SP110: variants seen among roughly 807,000 people sequenced by gnomAD.
SP110 encodes interferon-induced protein 41, 30kD.
Under a neutral mutation model 92.7 loss-of-function variants are expected in SP110, and 62 were observed. That is an observed-to-expected ratio of 0.67 (90% confidence interval 0.55 to 0.83). SP110 has a LOEUF of 0.83. SP110 is among the 40% of genes least tolerant of loss of function. The probability of loss-of-function intolerance (pLI) is 0.00; values close to 1 mark genes in which losing one functional copy is unlikely to be tolerated. For synonymous variants in SP110, 273 were observed against 305.3 expected (o/e 0.89, Z 1.10); for missense variants, 793 against 863.9 (o/e 0.92, Z 1.03).
At position 230,168,108 on chromosome 2, in the gene SP110, C is replaced by CAAAAAAAAAAAAAAA. The variant is rs57421361; in HGVS notation, c.*1001_*1015dup. On this transcript the variant is annotated 3_prime_UTR_variant, in exon 19 of 19. Coordinates refer to ENST00000258381, the MANE Select transcript of SP110 (RefSeq NM_080424.4). ...TGGGTGACAGAGTGAGACTCTGTCT[C>CAAAAAAAAAAAAAAA]AAAAAAAAAAAAAAAAAAAAAAAAA... 3 of 62,460 alleles carry CAAAAAAAAAAAAAAA rather than the reference C, an allele frequency of 4.8e-5. No individual in the cohort carries two copies. The highest frequency in any genetic ancestry group is 6.2e-5 in the African/African-American group (1 of 16,170). The allele number at this position is 62,460 out of a possible 1,614,324, so 3.9% of individuals were successfully genotyped here. A position where few individuals can be genotyped will look rare whatever the true frequency, so the allele number is the denominator to read the frequency against.
chr2:230,217,245 C>CAAAAAA (rs6147220), intron 1 of SP110, among the ~76,000 whole-genome samples: 58 of 79,624 alleles, frequency 7.3e-4, no homozygotes, highest in South Asian at 1.9e-3. Context: ...GACTCCATCT[C>CAAAAAA]AAAAAAAAAA....
At chr2:230,199,787 T>C (rs937481394) in intron 10 of SP110, among the ~76,000 whole-genome samples, 4 of 152,288 alleles carry the variant, frequency 2.6e-5, no homozygotes, top group Admixed American at 6.5e-5. Flanking sequence ...AATGAGAAAG[T>C]AATTTTTGAA....
At chr2:230,191,236 G>C (rs759861837) in intron 10 of SP110, among the ~76,000 whole-genome samples, 10 of 151,964 alleles carry the variant, frequency 6.6e-5, no homozygotes, top group South Asian at 2.1e-4. Context: ...AAGAGCTAGA[G>C]AGGCAAGAGC....
At chr2:230,198,757 G>T (rs926831691) in intron 10 of SP110, among the ~76,000 whole-genome samples, 3 of 152,004 alleles carry the variant, frequency 2.0e-5, no homozygotes, top group African/African-American at 7.2e-5. Flanking sequence ...ACCAGGCTCA[G>T]CTAATTTTTT....
chr2:230,179,203 G>A (rs922254955), intron 12 of SP110, among the ~76,000 whole-genome samples: 9 of 152,186 alleles, frequency 5.9e-5, no homozygotes, highest in Admixed American at 3.3e-4. Context: ...AAGACACAAG[G>A]CAGATAGAGT....
At position 230,206,595 on chromosome 2, in the gene SP110, T is replaced by TTATATATATATATATATATA. The variant is rs56817002; in HGVS notation, c.898+1376_898+1395dup. ...TATTATATATTATCTGGTCCAGATT[T>TTATATATATATATATATATA]TATATATATATATATATATATATAT... On this transcript the variant is annotated intron_variant, in intron 8 of 18. Transcript: ENST00000258381. Among the ~76,000 whole-genome samples, 70 of 70,468 alleles carry TTATATATATATATATATATA rather than the reference T, an allele frequency of 9.9e-4. 4 individuals are homozygous for TTATATATATATATATATATA. Among genetic ancestry groups the TTATATATATATATATATATA allele is most frequent in the Admixed American group, 2.3e-3 (13 of 5,678 alleles). The allele number at this position is 70,468 out of a possible 152,430, so 46.2% of individuals were successfully genotyped here. A position where few individuals can be genotyped will look rare whatever the true frequency, so the allele number is the denominator to read the frequency against.
chr2:230,207,047 A>G (rs1168212274), intron 8 of SP110, among the ~76,000 whole-genome samples: 3 of 152,144 alleles, frequency 2.0e-5, no homozygotes, highest in Non-Finnish European at 4.4e-5. Flanking sequence ...CAACACCTAG[A>G]GTTTCTCTGG....
At chr2:230,222,827 C>T (rs1256545579), upstream of SP110, among the ~76,000 whole-genome samples, 2 of 146,516 alleles carry the variant, frequency 1.4e-5, no homozygotes, top group Non-Finnish European at 3.0e-5. Flanking sequence ...AGATTAGTTT[C>T]GTGTGTATTA....
At chr2:230,183,716 A>G in intron 11 of SP110, 76 bp from the exon 12 acceptor site, 2 of 999,682 alleles carry the variant, frequency 2.0e-6, no homozygotes, top group Non-Finnish European at 1.6e-6. Flanking sequence ...ATCTTCAAGC[A>G]TTTTTTCCTG....
chr2:230,206,557 T>C (rs1211146726), intron 8 of SP110, among the ~76,000 whole-genome samples: 1 of 139,686 alleles, frequency 7.2e-6, no homozygotes, highest in Non-Finnish European at 1.5e-5. Context: ...TATATACATA[T>C]ATCTGGTCCA....
chr2:230,182,300 G>A (rs1048629862), intron 12 of SP110, among the ~76,000 whole-genome samples: 1 of 152,128 alleles, frequency 6.6e-6, no homozygotes, highest in Non-Finnish European at 1.5e-5. Flanking sequence ...ACACATTGGG[G>A]CCTATCAGGG....
chr2:230,219,745 T>C (rs1382108002), intron 1 of SP110, 129 bp downstream of exon 1: 1 of 176,632 alleles, frequency 5.7e-6, no homozygotes, highest in Non-Finnish European at 1.1e-5. Flanking sequence ...AAGTACCACA[T>C]GTCTGAGCTC....
chr2:230,195,410 C>T (rs1310823551), intron 10 of SP110, among the ~76,000 whole-genome samples: 1 of 152,144 alleles, frequency 6.6e-6, no homozygotes, highest in Admixed American at 6.5e-5. Flanking sequence ...TCTCAGCTCA[C>T]TGCAATCTCC....
At chr2:230,191,440 T>C (rs1477981786) in intron 10 of SP110, among the ~76,000 whole-genome samples, 1 of 152,048 alleles carries the variant, frequency 6.6e-6, no homozygotes, top group African/African-American at 2.4e-5. Flanking sequence ...ATAAAAATGA[T>C]AAGGGGGAAT....
upstream of SP110, among the ~76,000 whole-genome samples, chr2:230,224,158 C>T (rs558890352): frequency 6.6e-6 from 1 of 152,282 alleles, no homozygotes; most frequent in African/African-American, 2.4e-5. Flanking sequence ...GCAGCAGTAC[C>T]CCTGAAGTAC....
chr2:230,186,029 G>A lies in SP110; in HGVS notation c.1244C>T (p.Ala415Val), dbSNP rs199507070. ...NSEVMMRVQK[A>V]RTKCARKSRL... ...GGACTTTCGGGCACATTTAGTTCTT[G>A]CCTTTTGGACCCTCATCATGACCTC... is the stretch of plus-strand genomic sequence containing the variant. The change falls in exon 11 of 19, where the codon GCA (alanine) becomes GTA (valine). Residue 415 changes from alanine to valine, a missense_variant. Transcript: ENST00000258381. 6.2e-7 allele frequency: 1 copy of A among 1,614,066 alleles called. No homozygotes were observed. The highest frequency in any genetic ancestry group is 8.5e-7 in the Non-Finnish European group (1 of 1,179,950).
At chr2:230,185,257 C>T (rs1317147057) in intron 11 of SP110, among the ~76,000 whole-genome samples, 1 of 152,178 alleles carries the variant, frequency 6.6e-6, no homozygotes, top group Non-Finnish European at 1.5e-5. Context: ...TAACTTGGGT[C>T]CACATTTCTT....
chr2:230,181,373 TACTG>T (rs1171476847), intron 12 of SP110, among the ~76,000 whole-genome samples: 1 of 152,216 alleles, frequency 6.6e-6, no homozygotes, highest in Admixed American at 6.5e-5. Flanking sequence ...CCCATCCACT[TACTG>T]ACCTCACGTG....
rs2044951532 is a variant in SP110 at position 230,215,030 on chromosome 2, G to A, written c.236C>T (p.Ser79Phe). Residue 79 changes from serine to phenylalanine, a missense_variant, in exon 3 of 19, where the codon TCT (serine) becomes TTT (phenylalanine). Physicochemically the swap from Ser to Phe is radical, Grantham distance 155. Coordinates refer to ENST00000258381, the MANE Select transcript of SP110 (RefSeq NM_080424.4). ...TTGACTGAACAATGTCACCAGAAGAGACAGGTTAAAAGTCCTCTCCAGTTG... is the reference window on the plus strand; with the variant it reads ...TTGACTGAACAATGTCACCAGAAGAAACAGGTTAAAAGTCCTCTCCAGTTG... ...LTQLERTFNL[S>F]LLVTLFSQIN... 2.5e-6 allele frequency: 4 copies of A among 1,613,370 alleles called. No individual in the cohort carries two copies. Among genetic ancestry groups the A allele is most frequent in the African/African-American group, 1.3e-5 (1 of 74,910 alleles).
Sources: allele counts gnomAD v4.1 joint callset (sites outside exome capture counted in the v4.1 genomes callset), GRCh38; gene constraint gnomAD v4.1.1; transcripts MANE v1.5; gene names NCBI Gene and HGNC (gene_info 2026-07-23, HGNC 2026-07-21).